MEIG1: variants seen among roughly 807,000 people sequenced by gnomAD.
MEIG1 encodes meiosis expressed gene 1 protein homolog.
Under a neutral mutation model 11.3 loss-of-function variants are expected in MEIG1, and 12 were observed. The observed-to-expected ratio is 1.07, with a 90% CI of 0.68 to 1.73. MEIG1 has a LOEUF of 1.73. Ranked by LOEUF, MEIG1 falls within the 40% of genes most tolerant of loss-of-function variation. The pLI, the probability that MEIG1 is intolerant of heterozygous loss-of-function variation, is 0.00. For missense variants in MEIG1, 119 were observed against 104.9 expected, an observed-to-expected ratio of 1.13 and a Z score of -0.59; for synonymous variants, 41 against 33.2, an observed-to-expected ratio of 1.24 and a Z score of -0.81.
upstream of MEIG1, among the ~76,000 whole-genome samples, chr10:14,959,244 T>G (rs1212227801): frequency 6.6e-6 from 1 of 152,208 alleles, no homozygotes; most frequent in Non-Finnish European, 1.5e-5. Context: ...CGCTCCTACC[T>G]GGGACCTACA....
chr10:14,964,731 G>A (rs1314207482), intron 1 of MEIG1, among the ~76,000 whole-genome samples: 1 of 135,646 alleles, frequency 7.4e-6, no homozygotes, highest in Non-Finnish European at 1.5e-5. Context: ...CGATTCTCAA[G>A]CCTCAGCCTC....
At chr10:14,979,829 G>A (rs565005448) in intron 1 of MEIG1, among the ~76,000 whole-genome samples, 2 of 152,098 alleles carry the variant, frequency 1.3e-5, no homozygotes, top group Admixed American at 1.3e-4. Flanking sequence ...ATGTGAGGGA[G>A]GTATAACTTT....
downstream of MEIG1, among the ~76,000 whole-genome samples, chr10:14,976,042 C>T (rs1021483884): frequency 6.6e-6 from 1 of 152,110 alleles, no homozygotes; most frequent in African/African-American, 2.4e-5. Flanking sequence ...TCCTAATATC[C>T]AGGGGGGGAC....
chr10:14,954,575 A>G (rs1392871494), upstream of MEIG1: 1 of 195,888 alleles, frequency 5.1e-6, no homozygotes, highest in East Asian at 1.2e-4. Flanking sequence ...TTCAGGAACT[A>G]TTAATTCCCT....
chr10:14,981,703 A>G (rs6602791), intron 1 of MEIG1, among the ~76,000 whole-genome samples: 29,051 of 152,034 alleles, frequency 0.19, 3,941 homozygotes, highest in African/African-American at 0.37. Flanking sequence ...CTCCTAGTCC[A>G]GGGCCTCCTG....
intron 1 of MEIG1, among the ~76,000 whole-genome samples, chr10:14,984,252 G>A (rs548318613): frequency 6.6e-6 from 1 of 151,838 alleles, no homozygotes; most frequent in East Asian, 1.9e-4. Context: ...ATCCAGGGTG[G>A]GAGAGGGGGG....
chr10:14,955,327 C>A (rs954478884), upstream of MEIG1, among the ~76,000 whole-genome samples: 12 of 152,150 alleles, frequency 7.9e-5, no homozygotes, highest in African/African-American at 2.9e-4. Flanking sequence ...CAGAATATGG[C>A]AAATAAATGC....
intron 1 of MEIG1, among the ~76,000 whole-genome samples, chr10:14,983,687 G>A (rs1191807924): frequency 6.6e-6 from 1 of 152,040 alleles, no homozygotes. Flanking sequence ...CATCGCAGGA[G>A]GTGTACACCC....
downstream of MEIG1, among the ~76,000 whole-genome samples, chr10:14,976,979 G>A (rs6602789): frequency 6.6e-6 from 1 of 151,664 alleles, no homozygotes; most frequent in African/African-American, 2.4e-5. Context: ...GACATTATTC[G>A]TTATATCCAC....
chr10:14,983,135 C>T (rs1284448315), intron 1 of MEIG1, among the ~76,000 whole-genome samples: 1 of 152,024 alleles, frequency 6.6e-6, no homozygotes, highest in Non-Finnish European at 1.5e-5. Context: ...CATGATATTA[C>T]GTTTAATATC....
chr10:14,965,736 T>C (rs1589207996), intron 1 of MEIG1, among the ~76,000 whole-genome samples: 1 of 149,014 alleles, frequency 6.7e-6, no homozygotes, highest in East Asian at 2.1e-4. Flanking sequence ...TGAATATAAG[T>C]AATGGAATGG....
intron 1 of MEIG1, among the ~76,000 whole-genome samples, chr10:14,962,482 C>T (rs1037527507): frequency 2.0e-5 from 3 of 152,116 alleles, no homozygotes; most frequent in African/African-American, 7.2e-5. Context: ...GTGATTTCCC[C>T]CAAAGTCCAA....
intron 1 of MEIG1, among the ~76,000 whole-genome samples, chr10:14,978,351 T>C (rs1475257859): frequency 1.3e-5 from 2 of 152,028 alleles, no homozygotes; most frequent in African/African-American, 4.8e-5. Context: ...ATGGGACTGC[T>C]AATATCACAG....
chr10:14,987,229 C>T, intron 2 of MEIG1: 2 of 960,136 alleles, frequency 2.1e-6, no homozygotes, highest in Non-Finnish European at 3.3e-6. Context: ...CGATGTCAGC[C>T]CAGCACAGGT....
intron 2 of MEIG1, among the ~76,000 whole-genome samples, 175 bp downstream of exon 2, chr10:14,966,781 C>T (rs1434189809): frequency 6.6e-6 from 1 of 152,170 alleles, no homozygotes; most frequent in Non-Finnish European, 1.5e-5. Flanking sequence ...CATTCTGTCA[C>T]CCAGGCTGGA....
chr10:14,964,131 A>C (rs1409866531), intron 1 of MEIG1, among the ~76,000 whole-genome samples: 1 of 151,828 alleles, frequency 6.6e-6, no homozygotes, highest in African/African-American at 2.4e-5. Flanking sequence ...CAATATAAAC[A>C]CTATAATATT....
chr10:14,970,115 G>A (rs1214054774), intron 2 of MEIG1: 2 of 152,188 alleles, frequency 1.3e-5, no homozygotes, highest in Admixed American at 1.3e-4. Context: ...TGGGTGGGAT[G>A]TTTCTCCCAG....
downstream of MEIG1, among the ~76,000 whole-genome samples, chr10:14,976,765 T>A (rs1843214096): frequency 6.6e-6 from 1 of 151,962 alleles, no homozygotes; most frequent in African/African-American, 2.4e-5. Flanking sequence ...AATTCACAGG[T>A]CCTGTACACC....
intron 1 of MEIG1, among the ~76,000 whole-genome samples, chr10:14,981,594 AC>A (rs1362639173): frequency 6.6e-6 from 1 of 151,546 alleles, no homozygotes; most frequent in Admixed American, 6.6e-5. Context: ...CAATGTCTCT[AC>A]CCCCGACAGT....
Sources: gnomAD v4.1 joint callset for allele counts (sites outside exome capture counted in the v4.1 genomes callset) on GRCh38, gnomAD v4.1.1 for gene constraint, MANE v1.5 for transcripts, NCBI Gene and HGNC (gene_info 2026-07-23, HGNC 2026-07-21) for gene names.